The following EYA1 variants were observed in gnomAD, a reference collection of about 807,000 sequenced individuals.
The protein encoded by EYA1 is EYA transcriptional coactivator and phosphatase 1.
Under a neutral mutation model 82.0 loss-of-function variants are expected in EYA1, and 16 were observed. That is an observed-to-expected ratio of 0.20 (90% CI 0.13 to 0.30). The LOEUF (loss-of-function observed/expected upper bound fraction) is 0.30. EYA1 is among the 10% of genes least tolerant of loss of function. EYA1 has a pLI of 1.00. For missense variants in EYA1, 633 were observed against 730.7 expected, an observed-to-expected ratio of 0.87 and a Z score of 1.54; for synonymous variants, 261 against 264.4, an observed-to-expected ratio of 0.99 and a Z score of 0.12.
intron 17 of EYA1, among the ~76,000 whole-genome samples, chr8:71,210,559 A>C (rs1808377603): frequency 6.6e-6 from 1 of 152,204 alleles, no homozygotes; most frequent in Non-Finnish European, 1.5e-5. Flanking sequence ...AAATGATAGA[A>C]TTACACCTGC....
At chr8:71,212,031 A>G (rs1808582348) in intron 16 of EYA1, among the ~76,000 whole-genome samples, 1 of 152,202 alleles carries the variant, frequency 6.6e-6, no homozygotes, top group South Asian at 2.1e-4. Context: ...CTACACTGTC[A>G]GCACATTCCC....
At chr8:71,303,734 G>A (rs1025776868) in intron 7 of EYA1, among the ~76,000 whole-genome samples, 5 of 142,690 alleles carry the variant, frequency 3.5e-5, no homozygotes, top group African/African-American at 1.2e-4. Flanking sequence ...TCCCCAGAGT[G>A]CAAAATATAA....
chr8:71,374,404 G>C (rs541378033), intron 2 of EYA1, among the ~76,000 whole-genome samples: 1 of 151,958 alleles, frequency 6.6e-6, no homozygotes, highest in African/African-American at 2.4e-5. Flanking sequence ...ACTAATCATC[G>C]GGGAAATGCA....
chr8:71,417,635 G>A (rs1429168619), intron 2 of EYA1, among the ~76,000 whole-genome samples: 1 of 152,118 alleles, frequency 6.6e-6, no homozygotes, highest in Non-Finnish European at 1.5e-5. Flanking sequence ...GTTACAACTA[G>A]GAAGTGCTAC....
chr8:71,431,052 T>C (rs1451338335), intron 2 of EYA1, among the ~76,000 whole-genome samples: 1 of 152,198 alleles, frequency 6.6e-6, no homozygotes, highest in Non-Finnish European at 1.5e-5. Context: ...TTGACGGCTA[T>C]AGATGTCCTA....
In EYA1 at chr8:71,254,638, G is replaced by A. The variant is rs75389895; in HGVS notation, c.1051-9946C>T. On this transcript the variant is annotated intron_variant, in intron 11 of 17. Coordinates refer to ENST00000340726, the MANE Select transcript of EYA1 (RefSeq NM_000503.6). Reference sequence around the variant, plus strand: ...ACATCATACTCAATGGTAAATGTCTGAAAGTTTTTCCTCTAAGATCAGGAA... The same window carrying A: ...ACATCATACTCAATGGTAAATGTCTAAAAGTTTTTCCTCTAAGATCAGGAA... 1.4e-4 allele frequency among the ~76,000 whole-genome samples: 21 copies of A among 152,268 alleles called. No homozygotes were observed. In the East Asian group the frequency reaches 3.1e-3, roughly 22 times the overall value.
In EYA1 at chr8:71,299,049, G is replaced by GCTGTGGGAT; in HGVS notation, c.815_823dup (p.Asp272_Thr274dup). On this transcript the variant is annotated inframe_insertion, in exon 9 of 18. Coordinates refer to ENST00000340726, the MANE Select transcript of EYA1 (RefSeq NM_000503.6). ...ACTAATAATATTCACATAATTACCT[G>GCTGTGGGAT]CTGTGGGATCTGTAACTGCTTGGCT... 1.2e-6 allele frequency: 2 copies of GCTGTGGGAT among 1,613,382 alleles called. No individual in the cohort carries two copies.
chr8:71,361,765 C>G lies in EYA1; in HGVS notation c.-173G>C. ...ATGGGTACGCGCGGGGGCTCTCAGG[C>G]GCTCTGGTGCAGCCGCGGCGCTTCT... On this transcript the variant is annotated 5_prime_UTR_variant, in exon 1 of 18. Transcript: ENST00000340726. 2 of 985,510 alleles carry G rather than the reference C, an allele frequency of 2.0e-6. No homozygotes were observed. Among genetic ancestry groups the G allele is most frequent in the Non-Finnish European group, 2.4e-6 (2 of 829,968 alleles). The allele number at this position is 985,510 out of a possible 1,614,324, so 61.0% of individuals were successfully genotyped here.
chr8:71,322,690 A>G (rs1451557114), intron 4 of EYA1, among the ~76,000 whole-genome samples: 1 of 152,214 alleles, frequency 6.6e-6, no homozygotes, highest in African/African-American at 2.4e-5. Flanking sequence ...GTGCTCAGCA[A>G]GAACACACAA....
chr8:71,350,720 T>C (rs1826219083), intron 3 of EYA1, among the ~76,000 whole-genome samples: 1 of 152,140 alleles, frequency 6.6e-6, no homozygotes, highest in South Asian at 2.1e-4. Flanking sequence ...TGATTTTTGC[T>C]TGCTCACACT....
At chr8:71,381,437 T>A (rs773605396) in intron 2 of EYA1, among the ~76,000 whole-genome samples, 1 of 152,064 alleles carries the variant, frequency 6.6e-6, no homozygotes, top group Non-Finnish European at 1.5e-5. Flanking sequence ...CAAAAGGAGA[T>A]GAAACGCCGG....
intron 11 of EYA1, among the ~76,000 whole-genome samples, chr8:71,267,008 C>G (rs1045681827): frequency 6.6e-6 from 1 of 152,228 alleles, no homozygotes; most frequent in Non-Finnish European, 1.5e-5. Flanking sequence ...CTTTCCATCT[C>G]TACTGCTGGT....
chr8:71,388,382 TACG>T (rs1296259350), intron 2 of EYA1, among the ~76,000 whole-genome samples: 1 of 152,184 alleles, frequency 6.6e-6, no homozygotes, highest in African/African-American at 2.4e-5. Context: ...GAAGCTTGGG[TACG>T]ACAATAGAAA....
chr8:71,541,762 A>G (rs1220829287), intron 1 of EYA1, among the ~76,000 whole-genome samples: 2 of 152,196 alleles, frequency 1.3e-5, no homozygotes, highest in Non-Finnish European at 2.9e-5. Context: ...TTAAAACATA[A>G]TCTAATTGCA....
chr8:71,452,522 T>C (rs897447592), intron 2 of EYA1, among the ~76,000 whole-genome samples: 9 of 152,072 alleles, frequency 5.9e-5, no homozygotes, highest in African/African-American at 1.7e-4. Context: ...CACCCCCCAG[T>C]AGGGGCAGAC....
At chr8:71,360,940 G>T (rs73684754) in intron 1 of EYA1, among the ~76,000 whole-genome samples, 4,794 of 152,226 alleles carry the variant, frequency 0.031, 95 homozygotes, top group Non-Finnish European at 0.043. Context: ...TTCATATACT[G>T]ATTTTGAATG....
At chr8:71,341,786 A>T (rs1436664838) in intron 3 of EYA1, among the ~76,000 whole-genome samples, 1 of 152,210 alleles carries the variant, frequency 6.6e-6, no homozygotes, top group Non-Finnish European at 1.5e-5. Flanking sequence ...ACCTGGTACA[A>T]TCTTATGAAA....
chr8:71,497,902 G>C (rs1586834199), intron 2 of EYA1, among the ~76,000 whole-genome samples: 1 of 152,104 alleles, frequency 6.6e-6, no homozygotes, highest in South Asian at 2.1e-4. Context: ...CCTGTCATTT[G>C]CGAGAACATA....
intron 2 of EYA1, among the ~76,000 whole-genome samples, chr8:71,438,618 A>G (rs1304921952): frequency 1.3e-5 from 2 of 152,168 alleles, no homozygotes; most frequent in Non-Finnish European, 2.9e-5. Context: ...TTCATGAAGC[A>G]TGTGAGGGTT....
Sources: gnomAD v4.1 joint callset for allele counts (sites outside exome capture counted in the v4.1 genomes callset) on GRCh38, gnomAD v4.1.1 for gene constraint, MANE v1.5 for transcripts, NCBI Gene and HGNC (gene_info 2026-07-23, HGNC 2026-07-21) for gene names.